The following COL18A1 variants were observed in gnomAD, a reference collection of about 807,000 sequenced individuals.
COL18A1 encodes the protein collagen alpha-1(XVIII) chain.
COL18A1 carries 133 observed loss-of-function variants against 168.0 expected under a neutral mutation model. The observed-to-expected ratio is 0.79, with a 90% confidence interval of 0.69 to 0.91. COL18A1 has a LOEUF of 0.91. Ranked by LOEUF, COL18A1 falls within the 40% of genes least tolerant of loss-of-function variation. The pLI is 0.00. For missense variants in COL18A1, 2,126 were observed against 1,925.4 expected, an observed-to-expected ratio of 1.10 and a Z score of -1.95; for synonymous variants, 949 against 809.0, an observed-to-expected ratio of 1.17 and a Z score of -2.94.
chr21:45,477,640 C>A, intron 7 of COL18A1, 110 bp from the exon 8 acceptor site: 1 of 1,288,972 alleles, frequency 7.8e-7, no homozygotes, highest in South Asian at 1.3e-5. Flanking sequence ...CCCTGCGTGT[C>A]CACTGTGGGA....
chr21:45,504,842 G>C (rs2037094527), intron 34 of COL18A1, among the ~76,000 whole-genome samples: 3 of 152,222 alleles, frequency 2.0e-5, no homozygotes, highest in African/African-American at 7.2e-5. Context: ...GTCAGATCAG[G>C]GTTTAGGCCC....
chr21:45,480,185 C>A, intron 11 of COL18A1, 29 bp downstream of exon 11: 1 of 1,326,982 alleles, frequency 7.5e-7, no homozygotes, highest in Non-Finnish European at 1.1e-6. Context: ...TTCCTGCGAC[C>A]CGGGGTCTGC....
intron 2 of COL18A1, among the ~76,000 whole-genome samples, chr21:45,428,718 CT>C (rs1391765050): frequency 6.6e-6 from 1 of 152,064 alleles, no homozygotes; most frequent in Non-Finnish European, 1.5e-5. Context: ...AGTGCGAGGC[CT>C]TTTGTTTCGG....
At chr21:45,433,683 A>G (rs890654437) in intron 2 of COL18A1, among the ~76,000 whole-genome samples, 1 of 152,222 alleles carries the variant, frequency 6.6e-6, no homozygotes, top group East Asian at 1.9e-4. Context: ...AGCAGCTCAC[A>G]TTCCTGAGCT....
At position 45,486,924 on chromosome 21, in the gene COL18A1, G is replaced by A. The variant is rs906225803; in HGVS notation, c.1765G>A (p.Gly589Arg). Reference sequence around the variant, plus strand: ...GGAGAGCGGCCTGGCAGGAGCCCCCGGACCTGCTGGACCACCAGGCCCCCC... The same window carrying A: ...GGAGAGCGGCCTGGCAGGAGCCCCCAGACCTGCTGGACCACCAGGCCCCCC... The part of the protein sequence containing the change: ...RGESGLAGAP[G>R]PAGPPGPPGP... Residue 589 changes from glycine (G) to arginine (R), a missense_variant, in exon 16 of 42, where the codon GGA becomes AGA. By Grantham distance (125) the Gly-to-Arg change is moderately radical. Coordinates refer to ENST00000651438, the MANE Select transcript of COL18A1 (RefSeq NM_001379500.1). The A allele has an allele frequency of 4.0e-6, 6 of 1,506,108 alleles. No individual in the cohort carries two copies. The highest frequency in any genetic ancestry group is 2.3e-5 in the Admixed American group (1 of 43,720). The allele number at this position is 1,506,108 out of a possible 1,614,324, so 93.3% of individuals were successfully genotyped here. A position where few individuals can be genotyped will look rare whatever the true frequency, so the allele number is the denominator to read the frequency against.
Position 45,477,494 on chromosome 21 carries a change from C to G in COL18A1, c.1005+7C>G, listed in dbSNP as rs371767810. 3.8e-4 allele frequency: 610 copies of G among 1,603,888 alleles called. 2 individuals are homozygous for G. In the African/African-American group the frequency reaches 7.3e-3, roughly 19 times the overall value. ...TGGGGGCCGCGTGAAAGAGGTAAGGCCACCTCCCTGTGCTCCTGAACCATT... is the reference window on the plus strand; with the variant it reads ...TGGGGGCCGCGTGAAAGAGGTAAGGGCACCTCCCTGTGCTCCTGAACCATT... On this transcript the variant is annotated splice_region_variant and intron_variant, in intron 7 of 41. Coordinates refer to ENST00000651438, the MANE Select transcript of COL18A1 (RefSeq NM_001379500.1).
At position 45,457,692 on chromosome 21, in the gene COL18A1, C is replaced by T. The variant is rs2034888801; in HGVS notation, c.107-10550C>T. On this transcript the variant is annotated intron_variant, in intron 2 of 41. Transcript: ENST00000651438. The surrounding 1 kb of genome is among the most constrained non-coding windows in gnomAD (Gnocchi z 4.6). ...GCCTGCCCCATTCAGATTCTGCTTG[C>T]TATGTGCACCTGGCAGCCTTGGCCC... 6.6e-6 allele frequency among the ~76,000 whole-genome samples: 1 copy of T among 152,216 alleles called. No homozygotes were observed. Among genetic ancestry groups the T allele is most frequent in the Non-Finnish European group, 1.5e-5 (1 of 68,032 alleles).
In COL18A1 at chr21:45,498,099, C is replaced by T; in HGVS notation, c.2683+438C>T. The T allele has an allele frequency of 3.2e-6, 2 of 620,926 alleles. No individual in the cohort carries two copies. Among genetic ancestry groups the T allele is most frequent in the South Asian group, 3.7e-5 (2 of 53,818 alleles). 38.5% of individuals were successfully genotyped at this position (620,926 alleles called of 1,614,324 possible). ...CCGTCTGGAGGGTGAGCCCAGCACC[C>T]CTGCTCCCCCAAAGGACAAGAATTC... On this transcript the variant is annotated intron_variant, in intron 32 of 41. Transcript: ENST00000651438. This position sits in a 1 kb window ranked among gnomAD's most constrained non-coding sequence, Gnocchi z 4.5.
At chr21:45,418,206 C>T (rs1271464816) in intron 2 of COL18A1, among the ~76,000 whole-genome samples, 1 of 152,242 alleles carries the variant, frequency 6.6e-6, no homozygotes, top group Non-Finnish European at 1.5e-5. Context: ...TTGAGGACAG[C>T]GCTGAGCGGA....
In COL18A1 at chr21:45,457,734, C is replaced by T. The variant is rs1350772608; in HGVS notation, c.107-10508C>T. On this transcript the variant is annotated intron_variant, in intron 2 of 41. Transcript: ENST00000651438. This position sits in a 1 kb window ranked among gnomAD's most constrained non-coding sequence, Gnocchi z 4.6. ...CCTTGGCCCAGAGGCCCTATCCCCG[C>T]AGGGTGAGGTGCTCTGTCCTCCTCT... Among the ~76,000 whole-genome samples the T allele has an allele frequency of 6.6e-6, 1 of 152,204 alleles. No individual in the cohort carries two copies. The highest frequency in any genetic ancestry group is 1.5e-5 in the Non-Finnish European group (1 of 68,048).
chr21:45,480,792 C>A lies in COL18A1; in HGVS notation c.1545C>A (p.Val515=). The A allele has an allele frequency of 6.2e-7, 1 of 1,611,614 alleles. No individual in the cohort carries two copies. The highest frequency in any genetic ancestry group is 8.5e-7 in the Non-Finnish European group (1 of 1,179,770). Reference sequence around the variant, plus strand: ...GCTTTGGGGTGAACAGCTCCGACGTCCCAGGACCCGCCGGCCTTCCTGGTG... The same window carrying A: ...GCTTTGGGGTGAACAGCTCCGACGTACCAGGACCCGCCGGCCTTCCTGGTG... ...PGRFGVNSSD[V]PGPAGLPGVP... is the part of the protein sequence containing the mutation. Residue 515 remains valine, a synonymous_variant, in exon 13 of 42, where the codon GTC becomes GTA. Transcript: ENST00000651438.
At chr21:45,479,614 C>T (rs1293421789) in intron 9 of COL18A1, among the ~76,000 whole-genome samples, 4 of 145,436 alleles carry the variant, frequency 2.8e-5, no homozygotes, top group Non-Finnish European at 6.2e-5. Context: ...CACACACACA[C>T]ACATGTATGT....
chr21:45,449,938 G>A (rs980620710), intron 2 of COL18A1, among the ~76,000 whole-genome samples: 1 of 152,228 alleles, frequency 6.6e-6, no homozygotes, highest in Non-Finnish European at 1.5e-5. Context: ...AAAATGCAGA[G>A]CCCAGGAAGC....
chr21:45,426,788 C>T (rs1002459320), intron 2 of COL18A1, among the ~76,000 whole-genome samples: 5 of 152,252 alleles, frequency 3.3e-5, no homozygotes, highest in African/African-American at 1.2e-4. Context: ...CATTCTGGGG[C>T]CTCCTCTCTG....
intron 2 of COL18A1, among the ~76,000 whole-genome samples, chr21:45,406,415 A>C (rs2033112138): frequency 6.6e-6 from 1 of 152,270 alleles, no homozygotes; most frequent in Admixed American, 6.5e-5. Context: ...CATTGTTTCC[A>C]ATCGACTTAG....
At chr21:45,494,223 C>T in intron 26 of COL18A1, 1 of 524,362 alleles carries the variant, frequency 1.9e-6, no homozygotes, top group South Asian at 2.1e-5. Flanking sequence ...CCTGTGGCAA[C>T]CAGGACACTG....
At position 45,480,707 on chromosome 21, in the gene COL18A1, G is replaced by C. The variant is rs371292624; in HGVS notation, c.1460G>C (p.Arg487Pro). 6.2e-7 allele frequency: 1 copy of C among 1,610,766 alleles called. No individual in the cohort carries two copies. Among genetic ancestry groups the C allele is most frequent in the Admixed American group, 1.7e-5 (1 of 60,006 alleles). ...GTGTTCGCCCACGTCCAGGGTCCTC[G>C]AGGCTTCCCTGGACCTCCCGGACCC... ...GGDLEALRGP[R>P]GFPGPPGPPG... The change falls in exon 13 of 42, where the codon CGA becomes CCA. Residue 487 changes from arginine to proline, a missense_variant. Arg to Pro is a moderately radical substitution (Grantham distance 103, BLOSUM62 -2). Coordinates refer to ENST00000651438, the MANE Select transcript of COL18A1 (RefSeq NM_001379500.1).
In COL18A1 at chr21:45,471,165, C is replaced by T. The variant is rs866688638; in HGVS notation, c.651+2379C>T. Among the ~76,000 whole-genome samples, 19 of 150,336 alleles carry T rather than the reference C, an allele frequency of 1.3e-4. No individual in the cohort carries two copies. Among genetic ancestry groups the T allele is most frequent in the African/African-American group, 4.4e-4 (18 of 40,880 alleles). ...TGGGCGTGGGTGGCGTGCAGCAGGC[C>T]GTGTGCTGCTGGGCGTGGGTGGCGC... On this transcript the variant is annotated intron_variant, in intron 3 of 41. Coordinates refer to ENST00000651438, the MANE Select transcript of COL18A1 (RefSeq NM_001379500.1). The surrounding 1 kb of genome is among the most constrained non-coding windows in gnomAD (Gnocchi z 4.4).
At position 45,495,260 on chromosome 21, in the gene COL18A1, G is replaced by T. The variant is rs538813541; in HGVS notation, c.2434-98G>T. ...GAACGTGTGAGGCTGAGCGTGGGCC[G>T]GCCGGGCCTGGCGTGGGGCTAACGG... On this transcript the variant is annotated intron_variant, in intron 28 of 41. Coordinates refer to ENST00000651438, the MANE Select transcript of COL18A1 (RefSeq NM_001379500.1). The T allele has an allele frequency of 5.9e-6, 6 of 1,014,172 alleles. No individual in the cohort carries two copies. In the Admixed American group the frequency reaches 9.9e-5, roughly 17 times the overall value. 62.8% of individuals were successfully genotyped at this position (1,014,172 alleles called of 1,614,324 possible).
Sources: gnomAD v4.1 joint callset for allele counts (sites outside exome capture counted in the v4.1 genomes callset) on GRCh38, gnomAD v4.1.1 for gene constraint, Gnocchi (gnomAD v3.1) non-coding constraint, MANE v1.5 for transcripts, NCBI Gene and HGNC (gene_info 2026-07-23, HGNC 2026-07-21) for gene names.